NAV2: variants seen among roughly 807,000 people sequenced by gnomAD.
NAV2 encodes the protein helicase, APC down-regulated 1.
In NAV2, 54 loss-of-function variants were observed where a neutral mutation model predicts 223.2. The ratio of observed to expected loss-of-function variants is 0.24; its 90% confidence interval spans 0.19 to 0.30. The LOEUF (loss-of-function observed/expected upper bound fraction) is 0.30, where lower values mean the gene tolerates loss of function less well. Among genes scored for constraint, NAV2 ranks in the 10% least tolerant of loss-of-function variants. The pLI is 1.00. For synonymous variants in NAV2, 1,279 were observed against 1,239.3 expected, an observed-to-expected ratio of 1.03 and a Z score of -0.67; for missense variants, 2,806 against 3,147.5, an observed-to-expected ratio of 0.89 and a Z score of 2.60.
intron 30 of NAV2, 53 bp downstream of exon 30, chr11:20,095,820 G>T: frequency 7.5e-7 from 1 of 1,335,378 alleles, no homozygotes. Context: ...GGGCATCCGG[G>T]CCTGGGGAGG....
intron 7 of NAV2, among the ~76,000 whole-genome samples, chr11:19,935,166 C>G (rs2045735273): frequency 6.6e-6 from 1 of 152,218 alleles, no homozygotes. Context: ...CCAGAGCTTT[C>G]ACTGACAGTG....
intron 1 of NAV2, among the ~76,000 whole-genome samples, chr11:19,472,917 G>A (rs1006543640): frequency 4.6e-5 from 7 of 152,182 alleles, no homozygotes; most frequent in African/African-American, 1.7e-4. Context: ...CAATTAACTG[G>A]AGGTCTGCCA....
At chr11:19,585,560 T>G (rs1466457862) in intron 1 of NAV2, among the ~76,000 whole-genome samples, 2 of 152,214 alleles carry the variant, frequency 1.3e-5, no homozygotes, top group African/African-American at 2.4e-5. Context: ...AGGAGCTCTT[T>G]TAGGGCAGGC....
At chr11:19,900,976 G>A (rs1276846912) in intron 6 of NAV2, among the ~76,000 whole-genome samples, 2 of 152,202 alleles carry the variant, frequency 1.3e-5, no homozygotes, top group African/African-American at 4.8e-5. Flanking sequence ...TAGCCCTAAT[G>A]TTGGGAGAAA....
At chr11:19,385,513 C>G (rs1007474780) in intron 1 of NAV2, among the ~76,000 whole-genome samples, 1 of 152,132 alleles carries the variant, frequency 6.6e-6, no homozygotes, top group Admixed American at 6.5e-5. Context: ...CAAAATACAC[C>G]TGACAACTGC....
intron 1 of NAV2, among the ~76,000 whole-genome samples, chr11:19,726,023 C>T (rs1026613910): frequency 3.3e-5 from 5 of 152,030 alleles, no homozygotes; most frequent in Admixed American, 6.5e-5. Context: ...CTGGCTCTGC[C>T]GAGGCCCTCG....
At chr11:20,089,043 T>C (rs7131316) in intron 26 of NAV2, among the ~76,000 whole-genome samples, 124,900 of 151,998 alleles carry the variant, frequency 0.82, 51,534 homozygotes, top group East Asian at 0.95. Context: ...TCAGTAAACC[T>C]CACAAACCAC....
rs34325634 is a variant in NAV2, at chr11:19,681,784, G to T, written c.76-150700G>T. On this transcript the variant is annotated intron_variant, in intron 1 of 37. Transcript: ENST00000360655. ...GTAAGCATGTCCTCCAGACCAGGTA[G>T]CTAGGAAGCCACTGTGGGAATCCAC... Among the ~76,000 whole-genome samples, 339 of 152,322 alleles carry T rather than the reference G, an allele frequency of 2.2e-3. 2 individuals are homozygous for T. The highest frequency in any genetic ancestry group is 3.8e-3 in the Non-Finnish European group (260 of 68,030).
intron 6 of NAV2, among the ~76,000 whole-genome samples, chr11:19,913,806 G>A (rs922390837): frequency 1.3e-5 from 2 of 152,146 alleles, no homozygotes; most frequent in African/African-American, 2.4e-5. Context: ...TTACCTGATG[G>A]ATGGTGACTA....
intron 19 of NAV2, 131 bp downstream of exon 19, chr11:20,056,088 C>G: frequency 3.8e-6 from 3 of 789,280 alleles, no homozygotes; most frequent in Non-Finnish European, 6.0e-6. Flanking sequence ...CCCACCTCTC[C>G]CACCTACTCT....
intron 1 of NAV2, among the ~76,000 whole-genome samples, chr11:19,795,375 T>G (rs906987030): frequency 6.6e-6 from 1 of 152,242 alleles, no homozygotes; most frequent in Non-Finnish European, 1.5e-5. Flanking sequence ...TGCCTACCAC[T>G]TATGTCCCTT....
chr11:20,110,063 C>T (rs747891423), intron 36 of NAV2, among the ~76,000 whole-genome samples: 20 of 152,232 alleles, frequency 1.3e-4, no homozygotes, highest in African/African-American at 4.6e-4. Context: ...GATCATTGGG[C>T]GTCCTTCCCA....
chr11:19,922,733 C>G (rs2044383338), intron 6 of NAV2, among the ~76,000 whole-genome samples: 1 of 152,138 alleles, frequency 6.6e-6, no homozygotes, highest in South Asian at 2.1e-4. Flanking sequence ...AAAAGAATGC[C>G]TTAAAGTAGC....
chr11:20,077,495 T>G lies in NAV2; in HGVS notation c.4984-57T>G, dbSNP rs150099920. On this transcript the variant is annotated intron_variant, in intron 22 of 37. Transcript: ENST00000349880. ...TTTTCATCTTTAAGAGCCAGACACC[T>G]TCTAAGCACTCTTGCCTTGCAAGGT... The G allele has an allele frequency of 1.7e-3, 2,412 of 1,380,164 alleles. 20 individuals are homozygous for G. The highest frequency in any genetic ancestry group is 0.014 in the African/African-American group (957 of 70,374). 85.5% of individuals were successfully genotyped at this position (1,380,164 alleles called of 1,614,324 possible). A position where few individuals can be genotyped will look rare whatever the true frequency, so the allele number is the denominator to read the frequency against.
intron 11 of NAV2, among the ~76,000 whole-genome samples, chr11:20,018,996 A>G (rs1289428778): frequency 6.6e-6 from 1 of 152,196 alleles, no homozygotes; most frequent in African/African-American, 2.4e-5. Context: ...AATGAAGAGG[A>G]GAAGCCAGAT....
rs1390783229 is a variant in NAV2 at position 20,045,104 on chromosome 11, A to T, written c.3336A>T (p.Thr1112=). Residue 1112 remains threonine, a synonymous_variant, in exon 14 of 38, where the codon ACA becomes ACT. Transcript: ENST00000349880. The part of the protein sequence containing the change: ...SKKPLPSSSR[T]PTANANSFGF... ...AGCCCCTCCCCAGCAGCTCTAGGAC[A>T]CCTACTGCCAATGCCAACAGCTTTG... is the stretch of plus-strand genomic sequence containing the variant. 5.0e-6 allele frequency: 8 copies of T among 1,614,130 alleles called. No individual in the cohort carries two copies. Among genetic ancestry groups the T allele is most frequent in the Non-Finnish European group, 6.8e-6 (8 of 1,179,996 alleles).
At chr11:19,893,889 T>C (rs2041724777) in intron 6 of NAV2, among the ~76,000 whole-genome samples, 1 of 152,208 alleles carries the variant, frequency 6.6e-6, no homozygotes, top group South Asian at 2.1e-4. Flanking sequence ...TAAGTGTGCT[T>C]AGGTTACAAA....
At chr11:19,949,464 T>C (rs1320954959) in intron 10 of NAV2, among the ~76,000 whole-genome samples, 2 of 152,196 alleles carry the variant, frequency 1.3e-5, no homozygotes, top group Non-Finnish European at 2.9e-5. Context: ...CTGCTGCAGC[T>C]GTCCCTTCCA....
chr11:19,939,550 G>A (rs971317267), intron 7 of NAV2, 111 bp from the exon 8 acceptor site: 1 of 728,908 alleles, frequency 1.4e-6, no homozygotes, highest in Non-Finnish European at 2.4e-6. Flanking sequence ...ACTCTGTTCT[G>A]AAGCTTCTTG....
Sources: allele counts gnomAD v4.1 joint callset (sites outside exome capture counted in the v4.1 genomes callset), GRCh38; gene constraint gnomAD v4.1.1; transcripts MANE v1.5; gene names NCBI Gene and HGNC (gene_info 2026-07-23, HGNC 2026-07-21).